Variants in PLEKHA6 observed in about 807,000 individuals in gnomAD.
PLEKHA6 encodes the protein pleckstrin homology domain-containing family A member 6.
PLEKHA6 carries 60 observed loss-of-function variants against 116.7 expected under a neutral mutation model. That is an observed-to-expected ratio of 0.51 (90% CI 0.42 to 0.64). PLEKHA6 has a LOEUF of 0.64. Ranked by LOEUF, PLEKHA6 falls within the 30% of genes least tolerant of loss-of-function variation. PLEKHA6 has a pLI of 0.00. For synonymous variants in PLEKHA6, 489 were observed against 556.1 expected (o/e 0.88, Z 1.70); for missense variants, 1,338 against 1,422.7 (o/e 0.94, Z 0.96).
At chr1:204,331,986 A>T (rs964459655) in intron 1 of PLEKHA6, among the ~76,000 whole-genome samples, 1 of 151,990 alleles carries the variant, frequency 6.6e-6, no homozygotes, top group Non-Finnish European at 1.5e-5. Context: ...GTGCAAACAC[A>T]CCTCATGCCC....
At chr1:204,356,888 C>A (rs907527459) in intron 1 of PLEKHA6, among the ~76,000 whole-genome samples, 2 of 152,140 alleles carry the variant, frequency 1.3e-5, no homozygotes, top group African/African-American at 4.8e-5. Context: ...CACATTAATT[C>A]TATGCCTTGG....
chr1:204,333,794 C>CT (rs1221750936), intron 1 of PLEKHA6, among the ~76,000 whole-genome samples: 1 of 152,210 alleles, frequency 6.6e-6, no homozygotes, highest in Non-Finnish European at 1.5e-5. Context: ...GGGAGAGCTC[C>CT]TTCTCAGGCT....
At chr1:204,318,693 C>T (rs535003681) in intron 1 of PLEKHA6, among the ~76,000 whole-genome samples, 8 of 152,242 alleles carry the variant, frequency 5.3e-5, no homozygotes, top group South Asian at 4.1e-4. Flanking sequence ...CAATAGCTGG[C>T]GATAATAAAC....
chr1:204,357,091 G>A (rs1034183737), intron 1 of PLEKHA6, among the ~76,000 whole-genome samples: 3 of 152,174 alleles, frequency 2.0e-5, no homozygotes, highest in Admixed American at 6.5e-5. Context: ...TTATGACCAC[G>A]TAAAAGAGAG....
chr1:204,253,980 G>T (rs933663684), intron 9 of PLEKHA6, among the ~76,000 whole-genome samples: 2 of 152,244 alleles, frequency 1.3e-5, no homozygotes, highest in Admixed American at 1.3e-4. Context: ...AAGCCCGCAG[G>T]AAGGGACCCT....
At chr1:204,276,465 G>C (rs968363357) in intron 1 of PLEKHA6, among the ~76,000 whole-genome samples, 6 of 152,132 alleles carry the variant, frequency 3.9e-5, no homozygotes, top group African/African-American at 1.4e-4. Context: ...CCCATCTGGT[G>C]GTCTGGGGGG....
intron 9 of PLEKHA6, among the ~76,000 whole-genome samples, chr1:204,254,172 G>A (rs577150381): frequency 9.8e-5 from 15 of 152,342 alleles, no homozygotes; most frequent in African/African-American, 3.1e-4. Context: ...TGGACCTCCC[G>A]GCCCTGCTCA....
chr1:204,228,843 C>T lies in PLEKHA6; in HGVS notation c.2770G>A (p.Val924Ile), dbSNP rs746838016. Residue 924 changes from valine (V) to isoleucine (I), a missense_variant, in exon 20 of 23, where the codon GTC becomes ATC. By Grantham distance (29) the Val-to-Ile change is conservative. This residue lies in a region of PLEKHA6 where 1,136 missense variants were observed against 1,163.6 expected (regional missense o/e 0.98). Coordinates refer to ENST00000272203, the MANE Select transcript of PLEKHA6 (RefSeq NM_014935.5). The surrounding 1 kb of genome is among the most constrained non-coding windows in gnomAD (Gnocchi z 4.0). The part of the protein sequence containing the change: ...INKELSTPDK[V>I]LIPERYIDLE... ...TCAATGTACCGTTCAGGGATGAGGA[C>T]TTTGTCTGGAGTGGAGAGCTATGGA... 1.9e-6 allele frequency: 3 copies of T among 1,614,106 alleles called. No individual in the cohort carries two copies. The highest frequency in any genetic ancestry group is 1.7e-6 in the Non-Finnish European group (2 of 1,179,982).
rs756271106 is a variant in PLEKHA6, at chr1:204,223,526, G to T, written c.3091C>A (p.Pro1031Thr). 6.4e-7 allele frequency: 1 copy of T among 1,550,870 alleles called. No individual in the cohort carries two copies. Among genetic ancestry groups the T allele is most frequent in the South Asian group, 1.2e-5 (1 of 84,036 alleles). The change falls in exon 22 of 23, where the codon CCC (proline) becomes ACC (threonine). Residue 1031 changes from proline (P) to threonine (T), a missense_variant. Pro to Thr is a conservative substitution (Grantham distance 38). Coordinates refer to ENST00000272203, the MANE Select transcript of PLEKHA6 (RefSeq NM_014935.5). This position sits in a 1 kb window ranked among gnomAD's most constrained non-coding sequence, Gnocchi z 4.8. ...SPASPAPPAN[P>T]LSSESPRGAD... is the part of the protein sequence containing the mutation. Reference sequence around the variant, plus strand: ...CCCCGTGGGGATTCAGACGACAGGGGGTTTGCTGGAGGAGCCGGGGAAGCA... The same window carrying T: ...CCCCGTGGGGATTCAGACGACAGGGTGTTTGCTGGAGGAGCCGGGGAAGCA...
intron 1 of PLEKHA6, among the ~76,000 whole-genome samples, chr1:204,285,469 G>T (rs1669055138): frequency 7.3e-6 from 1 of 137,246 alleles, no homozygotes; most frequent in African/African-American, 2.6e-5. Flanking sequence ...GTTTTTTTTT[G>T]GTTGTTTTTG....
chr1:204,313,947 C>T (rs1671759049), intron 1 of PLEKHA6, among the ~76,000 whole-genome samples: 1 of 152,196 alleles, frequency 6.6e-6, no homozygotes, highest in African/African-American at 2.4e-5. Context: ...TATCTGCTGG[C>T]ACAGACTTCC....
intron 3 of PLEKHA6, among the ~76,000 whole-genome samples, chr1:204,366,797 G>A (rs1457741230): frequency 6.6e-6 from 1 of 152,232 alleles, no homozygotes; most frequent in Non-Finnish European, 1.5e-5. Flanking sequence ...CTAAGCTGAT[G>A]TAGGTGGTAG....
intron 3 of PLEKHA6, among the ~76,000 whole-genome samples, chr1:204,272,598 G>A (rs565929065): frequency 3.3e-5 from 5 of 152,088 alleles, no homozygotes; most frequent in East Asian, 3.9e-4. Context: ...CAAGACAACC[G>A]GAGCTAAAAC....
chr1:204,229,710 C>T (rs776351939), intron 18 of PLEKHA6, among the ~76,000 whole-genome samples: 1 of 152,226 alleles, frequency 6.6e-6, no homozygotes, highest in Non-Finnish European at 1.5e-5. Context: ...GAGCCAACCA[C>T]ACCCGGCTAA....
At chr1:204,283,352 C>G (rs1453147863) in intron 1 of PLEKHA6, among the ~76,000 whole-genome samples, 1 of 152,308 alleles carries the variant, frequency 6.6e-6, no homozygotes, top group South Asian at 2.1e-4. Flanking sequence ...CTCATTTTAA[C>G]AGTAAAACAA....
chr1:204,230,387 C>T, intron 18 of PLEKHA6, 26 bp downstream of exon 18: 4 of 1,544,356 alleles, frequency 2.6e-6, no homozygotes, highest in Non-Finnish European at 3.5e-6. Context: ...CAGGCTCACG[C>T]CTGTGGGTAG....
At chr1:204,252,017 A>T (rs1664639066) in intron 9 of PLEKHA6, among the ~76,000 whole-genome samples, 1 of 151,968 alleles carries the variant, frequency 6.6e-6, no homozygotes. Flanking sequence ...ACTAAGTGAA[A>T]CAACCAAAAA....
intron 1 of PLEKHA6, among the ~76,000 whole-genome samples, chr1:204,279,566 A>G (rs1184344822): frequency 1.3e-5 from 2 of 152,230 alleles, no homozygotes; most frequent in Non-Finnish European, 2.9e-5. Context: ...CCATGAATAC[A>G]TACCCAAATG....
At position 204,241,384 on chromosome 1, in the gene PLEKHA6, G is replaced by A. The variant is rs745337766; in HGVS notation, c.2400C>T (p.Leu800=). The A allele has an allele frequency of 1.2e-6, 2 of 1,604,852 alleles. No individual in the cohort carries two copies. Among genetic ancestry groups the A allele is most frequent in the African/African-American group, 1.3e-5 (1 of 74,862 alleles). The change falls in exon 17 of 23, where the codon CTC becomes CTT. Residue 800 remains leucine, a synonymous_variant. Coordinates refer to ENST00000272203, the MANE Select transcript of PLEKHA6 (RefSeq NM_014935.5). ...TTGCAGAGGTACCCACCTGGGAGGA[G>A]AGTCCATTGGTGAGCCCACTGGCAT... ...RRNASGLTNG[L]SSQERPKSAV... is the part of the protein sequence containing the mutation.
Sources: allele counts gnomAD v4.1 joint callset (sites outside exome capture counted in the v4.1 genomes callset), GRCh38; gene constraint gnomAD v4.1.1; regional missense constraint gnomAD v4.1.1; non-coding constraint Gnocchi (gnomAD v3.1); transcripts MANE v1.5; gene names NCBI Gene and HGNC (gene_info 2026-07-23, HGNC 2026-07-21).